The following SRGAP3 variants were observed in gnomAD, a reference collection of about 807,000 sequenced individuals.
SRGAP3 encodes the protein SLIT-ROBO Rho GTPase activating protein 3, also known as SLIT-ROBO Rho GTPase-activating protein 3.
In SRGAP3, 39 loss-of-function variants were observed where a neutral mutation model predicts 121.1. That is an observed-to-expected ratio of 0.32 (90% confidence interval 0.25 to 0.42). SRGAP3 has a LOEUF of 0.42. Ranked by LOEUF, SRGAP3 falls within the 10% of genes least tolerant of loss-of-function variation. The probability of loss-of-function intolerance (pLI) is 1.00; values close to 1 mark genes in which losing one functional copy is unlikely to be tolerated. For missense variants in SRGAP3, 1,213 were observed against 1,470.6 expected (o/e 0.82, Z 2.86); for synonymous variants, 601 against 570.0 (o/e 1.05, Z -0.77).
intron 3 of SRGAP3, among the ~76,000 whole-genome samples, chr3:9,100,800 C>T (rs1948188394): frequency 6.6e-6 from 1 of 152,218 alleles, no homozygotes; most frequent in Non-Finnish European, 1.5e-5. Flanking sequence ...CCCTGAGCTG[C>T]TCAGACCTTC....
At chr3:9,185,904 C>A (rs1951581779) in intron 1 of SRGAP3, among the ~76,000 whole-genome samples, 1 of 152,060 alleles carries the variant, frequency 6.6e-6, no homozygotes, top group African/African-American at 2.4e-5. Flanking sequence ...GCTTTGGATG[C>A]CAAGATTGAT....
intron 1 of SRGAP3, among the ~76,000 whole-genome samples, chr3:9,166,456 T>C (rs1950787149): frequency 6.6e-6 from 1 of 152,172 alleles, no homozygotes; most frequent in South Asian, 2.1e-4. Context: ...CCAGCTTCCC[T>C]TGCAACTAAG....
intron 2 of SRGAP3, among the ~76,000 whole-genome samples, chr3:9,327,617 C>T (rs1158185356): frequency 1.3e-5 from 2 of 152,208 alleles, no homozygotes; most frequent in Admixed American, 1.3e-4. Context: ...AGGACCCAGA[C>T]AGAAATGCAG....
intron 2 of SRGAP3, among the ~76,000 whole-genome samples, chr3:9,113,982 A>C (rs1305929500): frequency 6.6e-6 from 1 of 152,136 alleles, no homozygotes; most frequent in South Asian, 2.1e-4. Flanking sequence ...CCATGCTGGG[A>C]GCCAGAGAGC....
intron 3 of SRGAP3, among the ~76,000 whole-genome samples, chr3:9,265,790 C>A (rs1040093323): frequency 1.3e-5 from 2 of 152,236 alleles, no homozygotes; most frequent in Middle Eastern, 3.4e-3. Flanking sequence ...TAAATTAGTT[C>A]AACCATTGTG....
chr3:9,276,806 C>G (rs1954591177), intron 3 of SRGAP3, among the ~76,000 whole-genome samples: 1 of 152,210 alleles, frequency 6.6e-6, no homozygotes, highest in African/African-American at 2.4e-5. Context: ...CTCTTCAACA[C>G]TAGTTCCACT....
chr3:9,055,380 T>A (rs1160493571), intron 8 of SRGAP3, among the ~76,000 whole-genome samples: 1 of 152,232 alleles, frequency 6.6e-6, no homozygotes, highest in Non-Finnish European at 1.5e-5. Context: ...ACTCCCTCCA[T>A]CCTGGTGTCC....
chr3:9,009,840 A>G (rs552428261), intron 18 of SRGAP3, among the ~76,000 whole-genome samples: 3 of 152,150 alleles, frequency 2.0e-5, no homozygotes, highest in Non-Finnish European at 2.9e-5. Context: ...ATCGCTTTGC[A>G]CCATGAGAAG....
intron 1 of SRGAP3, among the ~76,000 whole-genome samples, chr3:9,132,277 T>C (rs1949484025): frequency 6.6e-6 from 1 of 152,218 alleles, no homozygotes; most frequent in Non-Finnish European, 1.5e-5. Context: ...GTCACTTACA[T>C]TACGGCTCAC....
At chr3:9,092,934 C>A (rs775717191) in intron 3 of SRGAP3, among the ~76,000 whole-genome samples, 16 of 152,070 alleles carry the variant, frequency 1.1e-4, no homozygotes, top group Non-Finnish European at 1.9e-4. Context: ...TTGATTGTGT[C>A]CCTGATGTCG....
At chr3:8,989,674 G>C (rs1941923905) in intron 21 of SRGAP3, among the ~76,000 whole-genome samples, 1 of 151,988 alleles carries the variant, frequency 6.6e-6, no homozygotes, top group Admixed American at 6.5e-5. Flanking sequence ...AAATATGATA[G>C]AACTGTCAAA....
chr3:9,032,359 C>T (rs1333450811), intron 12 of SRGAP3, among the ~76,000 whole-genome samples: 2 of 152,162 alleles, frequency 1.3e-5, no homozygotes, highest in African/African-American at 2.4e-5. Context: ...AGCAATGAAG[C>T]GTGAATGAAG....
At chr3:9,192,100 C>T (rs865775602) in intron 1 of SRGAP3, among the ~76,000 whole-genome samples, 1 of 152,154 alleles carries the variant, frequency 6.6e-6, no homozygotes, top group African/African-American at 2.4e-5. Context: ...TGGCCTAATA[C>T]TGGAGAGAAT....
intron 1 of SRGAP3, among the ~76,000 whole-genome samples, chr3:9,244,549 C>A (rs184998030): frequency 4.3e-4 from 66 of 152,198 alleles, no homozygotes; most frequent in Non-Finnish European, 8.2e-4. Flanking sequence ...TCATGTCTGG[C>A]AGCAAGATGA....
intron 3 of SRGAP3, among the ~76,000 whole-genome samples, chr3:9,284,832 C>CA (rs368751790): frequency 0.62 from 69,005 of 111,254 alleles, 22,365 homozygotes; most frequent in Non-Finnish European, 0.75. Flanking sequence ...GAGTCTGCCT[C>CA]AAAAAAAAAA....
intron 1 of SRGAP3, chr3:9,125,127 CA>C: frequency 1.6e-6 from 1 of 620,864 alleles, no homozygotes; most frequent in East Asian, 2.8e-5. Flanking sequence ...TTGATCTAAC[CA>C]AAAGTTTCCA....
intron 2 of SRGAP3, among the ~76,000 whole-genome samples, chr3:9,110,335 C>T (rs192760303): frequency 2.6e-5 from 4 of 152,138 alleles, no homozygotes; most frequent in Admixed American, 2.0e-4. Context: ...TCGAACACGA[C>T]GAGTCTAAAA....
chr3:9,097,524 C>T (rs1052325770), intron 3 of SRGAP3, among the ~76,000 whole-genome samples: 6 of 152,202 alleles, frequency 3.9e-5, no homozygotes, highest in Non-Finnish European at 1.5e-5. Context: ...AGACTACCCA[C>T]CTCTTCGTGA....
At chr3:9,360,461 CTA>C (rs1387763347) in intron 1 of SRGAP3, among the ~76,000 whole-genome samples, 1 of 152,162 alleles carries the variant, frequency 6.6e-6, no homozygotes, top group African/African-American at 2.4e-5. Flanking sequence ...GTAATGTGTT[CTA>C]TGTTTAATTT....
Sources: gnomAD v4.1 joint callset for allele counts (sites outside exome capture counted in the v4.1 genomes callset) on GRCh38, gnomAD v4.1.1 for gene constraint, MANE v1.5 for transcripts, NCBI Gene and HGNC (gene_info 2026-07-23, HGNC 2026-07-21) for gene names.